DAB1: variants seen among roughly 807,000 people sequenced by gnomAD.
DAB1 encodes the protein disabled homolog 1.
In DAB1, 15 loss-of-function variants were observed where a neutral mutation model predicts 64.6. That is an observed-to-expected ratio of 0.23 (90% CI 0.16 to 0.36). DAB1 has a LOEUF of 0.36. Ranked by LOEUF, DAB1 falls within the 10% of genes least tolerant of loss-of-function variation. DAB1 has a pLI of 1.00. For synonymous variants in DAB1, 235 were observed against 251.9 expected, an observed-to-expected ratio of 0.93 and a Z score of 0.64; for missense variants, 596 against 706.7, an observed-to-expected ratio of 0.84 and a Z score of 1.78.
chr1:58,083,550 T>C (rs1650127387), intron 5 of DAB1, among the ~76,000 whole-genome samples: 1 of 152,242 alleles, frequency 6.6e-6, no homozygotes. Flanking sequence ...TATATGAATT[T>C]AGTTATGTGA....
chr1:57,274,587 T>C (rs1671304760), intron 2 of DAB1, among the ~76,000 whole-genome samples: 1 of 152,234 alleles, frequency 6.6e-6, no homozygotes, highest in South Asian at 2.1e-4. Flanking sequence ...TCAGTGATTT[T>C]CTTTTTGTTT....
intron 7 of DAB1, among the ~76,000 whole-genome samples, chr1:57,441,270 TTC>T (rs1408471455): frequency 2.2e-4 from 8 of 35,952 alleles, no homozygotes; most frequent in South Asian, 1.1e-3. Flanking sequence ...TTTTCTTTCT[TTC>T]TCTTTCTTTC....
At chr1:57,629,298 T>G (rs1229417531) in intron 7 of DAB1, among the ~76,000 whole-genome samples, 2 of 152,198 alleles carry the variant, frequency 1.3e-5, no homozygotes, top group African/African-American at 4.8e-5. Flanking sequence ...ATTTGCGCCT[T>G]GACAGTATCA....
At chr1:58,327,694 G>A (rs1204365887) in intron 4 of DAB1, among the ~76,000 whole-genome samples, 2 of 152,082 alleles carry the variant, frequency 1.3e-5, no homozygotes, top group Non-Finnish European at 2.9e-5. Context: ...GCAAGAGTTG[G>A]CCTGGTTAAA....
At chr1:57,132,620 T>C (rs1401647402) in intron 4 of DAB1, among the ~76,000 whole-genome samples, 1 of 152,194 alleles carries the variant, frequency 6.6e-6, no homozygotes, top group Non-Finnish European at 1.5e-5. Context: ...AGCTGGTAAG[T>C]AAATATAATA....
At chr1:58,346,476 CA>C (rs1643998631) in intron 3 of DAB1, among the ~76,000 whole-genome samples, 1 of 152,000 alleles carries the variant, frequency 6.6e-6, no homozygotes, top group Admixed American at 6.5e-5. Context: ...CCATTTTTTG[CA>C]AATAACATCC....
intron 3 of DAB1, among the ~76,000 whole-genome samples, chr1:58,487,775 G>C (rs909880253): frequency 3.3e-5 from 5 of 152,124 alleles, no homozygotes; most frequent in African/African-American, 9.6e-5. Flanking sequence ...ATCCACTCTA[G>C]CAATTCCCCT....
intron 2 of DAB1, among the ~76,000 whole-genome samples, chr1:57,179,286 G>A (rs971658432): frequency 6.6e-6 from 1 of 152,154 alleles, no homozygotes; most frequent in African/African-American, 2.4e-5. Flanking sequence ...GCACAGCAGC[G>A]AGGTGAATGG....
At chr1:57,637,117 TG>T (rs1646066499) in intron 7 of DAB1, among the ~76,000 whole-genome samples, 1 of 152,140 alleles carries the variant, frequency 6.6e-6, no homozygotes, top group African/African-American at 2.4e-5. Context: ...CATTTAAAAA[TG>T]GGATAAGATG....
intron 5 of DAB1, among the ~76,000 whole-genome samples, chr1:58,110,970 T>G (rs1651935775): frequency 6.6e-6 from 1 of 152,174 alleles, no homozygotes; most frequent in African/African-American, 2.4e-5. Flanking sequence ...GGGTAAGAAT[T>G]TATAAGCCTG....
chr1:57,068,650 G>A (rs1346899895), intron 8 of DAB1, among the ~76,000 whole-genome samples: 3 of 152,082 alleles, frequency 2.0e-5, no homozygotes, highest in Non-Finnish European at 4.4e-5. Context: ...TCTATTTGAT[G>A]TGCTGCTATA....
At chr1:57,866,370 C>T (rs1654300714) in intron 1 of DAB1, 1 of 152,124 alleles carries the variant, frequency 6.6e-6, no homozygotes, top group South Asian at 2.1e-4. Context: ...CGATGTCTGA[C>T]CATAGTGGAT....
intron 5 of DAB1, among the ~76,000 whole-genome samples, chr1:58,011,846 A>G (rs1474590575): frequency 6.6e-6 from 1 of 152,042 alleles, no homozygotes; most frequent in Admixed American, 6.6e-5. Context: ...ATCTGCCACC[A>G]TGCCTGGCTA....
intron 8 of DAB1, among the ~76,000 whole-genome samples, chr1:57,068,111 G>T (rs1651102508): frequency 6.8e-6 from 1 of 147,962 alleles, no homozygotes; most frequent in South Asian, 2.3e-4. Context: ...CTATAGCTAA[G>T]TCTGGATTCA....
At chr1:57,172,297 G>C (rs1487334341) in intron 2 of DAB1, among the ~76,000 whole-genome samples, 1 of 152,114 alleles carries the variant, frequency 6.6e-6, no homozygotes, top group African/African-American at 2.4e-5. Flanking sequence ...AATGAGGACT[G>C]GGGGGTAGCA....
intron 3 of DAB1, among the ~76,000 whole-genome samples, chr1:57,142,689 G>A (rs1360291298): frequency 6.6e-6 from 1 of 151,726 alleles, no homozygotes; most frequent in Non-Finnish European, 1.5e-5. Context: ...GCTAGCTTGG[G>A]CCAATGTTAA....
chr1:58,458,432 G>C (rs368799812), intron 3 of DAB1, among the ~76,000 whole-genome samples: 2 of 152,310 alleles, frequency 1.3e-5, no homozygotes, highest in East Asian at 1.9e-4. Context: ...TTTGAATCCA[G>C]GTTTGTTCTA....
chr1:57,568,753 G>A (rs1389550247), intron 7 of DAB1, among the ~76,000 whole-genome samples: 1 of 152,070 alleles, frequency 6.6e-6, no homozygotes, highest in Non-Finnish European at 1.5e-5. Context: ...AGTTAGAATG[G>A]CAATCATTAA....
At chr1:57,852,700 C>T (rs1481155963) in intron 1 of DAB1, among the ~76,000 whole-genome samples, 2 of 152,092 alleles carry the variant, frequency 1.3e-5, no homozygotes, top group Non-Finnish European at 2.9e-5. Flanking sequence ...GCTCTATGGG[C>T]AATGAGGTAA....
Sources: gnomAD v4.1 joint callset for allele counts (sites outside exome capture counted in the v4.1 genomes callset) on GRCh38, gnomAD v4.1.1 for gene constraint, MANE v1.5 for transcripts, NCBI Gene and HGNC (gene_info 2026-07-23, HGNC 2026-07-21) for gene names.